The following ADAM18 variants were observed in gnomAD, a reference collection of about 807,000 sequenced individuals.
ADAM18 encodes disintegrin and metalloproteinase domain-containing protein 18.
A neutral mutation model predicts 94.4 loss-of-function variants in ADAM18; 117 were observed. That is an observed-to-expected ratio of 1.24 (90% CI 1.07 to 1.45). ADAM18 has a LOEUF of 1.45. Ranked by LOEUF, ADAM18 falls within the 40% of genes most tolerant of loss-of-function variation. The pLI is 0.00. For synonymous variants in ADAM18, 327 were observed against 291.6 expected, an observed-to-expected ratio of 1.12 and a Z score of -1.24; for missense variants, 936 against 880.0, an observed-to-expected ratio of 1.06 and a Z score of -0.81.
At chr8:39,680,835 C>A (rs1304830370) in intron 16 of ADAM18, among the ~76,000 whole-genome samples, 2 of 151,792 alleles carry the variant, frequency 1.3e-5, no homozygotes, top group Admixed American at 6.6e-5. Flanking sequence ...TTTCACATAG[C>A]AATTATAGAG....
chr8:39,644,270 C>A (rs1820316932), intron 10 of ADAM18, among the ~76,000 whole-genome samples: 2 of 151,686 alleles, frequency 1.3e-5, no homozygotes, highest in Non-Finnish European at 2.9e-5. Context: ...TTTTTAATAT[C>A]TTCTCACTTC....
chr8:39,646,600 C>T (rs1585934449), intron 11 of ADAM18, among the ~76,000 whole-genome samples: 1 of 152,034 alleles, frequency 6.6e-6, no homozygotes, highest in Non-Finnish European at 1.5e-5. Context: ...ATGCTATCAG[C>T]CTTTAGCAAC....
rs112841302 is a variant in ADAM18 at position 39,638,960 on chromosome 8, A to G, written c.909+414A>G. On this transcript the variant is annotated intron_variant, in intron 10 of 19. Coordinates refer to ENST00000265707, the MANE Select transcript of ADAM18 (RefSeq NM_014237.3). Reference sequence around the variant, plus strand: ...ATAAATATATGAATGCATAAATAATATATATTGTTTTTAGATATTGAAAAT... The same window carrying G: ...ATAAATATATGAATGCATAAATAATGTATATTGTTTTTAGATATTGAAAAT... Among the ~76,000 whole-genome samples, 8 of 152,054 alleles carry G rather than the reference A, an allele frequency of 5.3e-5. 1 individual carries two copies. The highest frequency in any genetic ancestry group is 1.9e-4 in the African/African-American group (8 of 41,562).
intron 6 of ADAM18, chr8:39,611,347 C>A: frequency 1.4e-6 from 1 of 739,814 alleles, no homozygotes; most frequent in Non-Finnish European, 1.6e-6. Context: ...TTGTGTTTAC[C>A]ATACTTGGAG....
At chr8:39,584,936 A>G (rs1488810456) in intron 1 of ADAM18, among the ~76,000 whole-genome samples, 1 of 150,804 alleles carries the variant, frequency 6.6e-6, no homozygotes, top group African/African-American at 2.4e-5. Flanking sequence ...GCATCTTCCC[A>G]CTCTGTGAAG....
At chr8:39,595,332 G>A (rs1413840884) in intron 2 of ADAM18, among the ~76,000 whole-genome samples, 1 of 151,870 alleles carries the variant, frequency 6.6e-6, no homozygotes, top group Admixed American at 6.6e-5. Context: ...TACAAGGAGG[G>A]ACTGCAATCT....
intron 2 of ADAM18, among the ~76,000 whole-genome samples, chr8:39,593,464 G>A (rs771172799): frequency 1.3e-5 from 2 of 151,874 alleles, no homozygotes; most frequent in Non-Finnish European, 2.9e-5. Context: ...AAAGTTAGAG[G>A]CATCATACTT....
Position 39,723,835 on chromosome 8 carries a change from T to G in ADAM18, c.2105T>G (p.Val702Gly). The G allele has an allele frequency of 6.3e-7, 1 of 1,585,554 alleles. No individual in the cohort carries two copies. Among genetic ancestry groups the G allele is most frequent in the Admixed American group, 1.8e-5 (1 of 56,556 alleles). ...TGCATTTTTCTGCCGTTTTTCATAG[T>G]TTTCACCACTGTGATCTTTAAAAGA... ...SFCIFLPFFI[V>G]FTTVIFKRNE... The change falls in exon 19 of 20, where the codon GTT (valine) becomes GGT (glycine). Residue 702 changes from valine (V) to glycine (G), a missense_variant. Transcript: ENST00000265707.
Position 39,680,243 on chromosome 8 carries a change from A to G in ADAM18, c.1821+17A>G, listed in dbSNP as rs1243942545. 1.2e-6 allele frequency: 2 copies of G among 1,601,850 alleles called. No individual in the cohort carries two copies. The highest frequency in any genetic ancestry group is 2.7e-5 in the African/African-American group (2 of 74,440). On this transcript the variant is annotated intron_variant, in intron 16 of 19. Transcript: ENST00000265707. ...CCAGAAATGGTAACAAAATGTGATAATTTATATTCAGCTGTGTTAAATTAT... is the reference window on the plus strand; with the variant it reads ...CCAGAAATGGTAACAAAATGTGATAGTTTATATTCAGCTGTGTTAAATTAT...
In ADAM18 at chr8:39,637,586, G is replaced by A. The variant is rs1206233072; in HGVS notation, c.710G>A (p.Trp237Ter). 8 of 1,612,354 alleles carry A rather than the reference G, an allele frequency of 5.0e-6. No homozygotes were observed. Among genetic ancestry groups the A allele is most frequent in the Non-Finnish European group, 6.8e-6 (8 of 1,179,032 alleles). Residue 237 changes from tryptophan to a stop codon, truncating the protein, a stop_gained, in exon 9 of 20, where the codon TGG (tryptophan) becomes TAG (stop). Coordinates refer to ENST00000265707, the MANE Select transcript of ADAM18 (RefSeq NM_014237.3). LOFTEE classifies it high-confidence loss of function. ...GTTATACTGTCTTCCTTGGAATTGT[G>A]GTCAAATGAAAACCAGATTTCCACC... ...LTVILSSLEL[W>*]SNENQISTSG...
At chr8:39,619,238 C>T (rs1041436749) in intron 6 of ADAM18, among the ~76,000 whole-genome samples, 2 of 152,150 alleles carry the variant, frequency 1.3e-5, no homozygotes, top group Admixed American at 6.5e-5. Flanking sequence ...CAACACCTCA[C>T]TTTCAGTATA....
intron 2 of ADAM18, among the ~76,000 whole-genome samples, chr8:39,585,740 A>G (rs1031321179): frequency 6.6e-6 from 1 of 152,352 alleles, no homozygotes; most frequent in East Asian, 1.9e-4. Flanking sequence ...TTGACCCACA[A>G]GCATCAGTCT....
chr8:39,655,712 A>G (rs1454956532), intron 12 of ADAM18, among the ~76,000 whole-genome samples: 1 of 152,122 alleles, frequency 6.6e-6, no homozygotes, highest in Non-Finnish European at 1.5e-5. Flanking sequence ...ATTATTTATA[A>G]TCATATCATT....
Position 39,610,626 on chromosome 8 carries a change from C to T in ADAM18, c.442C>T (p.Pro148Ser). The T allele has an allele frequency of 1.2e-6, 2 of 1,612,786 alleles. No individual in the cohort carries two copies. The highest frequency in any genetic ancestry group is 8.5e-7 in the Non-Finnish European group (1 of 1,179,218). Residue 148 changes from proline (P) to serine (S), a missense_variant, in exon 6 of 20, where the codon CCA (proline) becomes TCA (serine). Physicochemically the swap from Pro to Ser is moderately conservative, Grantham distance 74. Coordinates refer to ENST00000265707, the MANE Select transcript of ADAM18 (RefSeq NM_014237.3). Reference sequence around the variant, plus strand: ...AATTTATCAAATGAAAAATAATGATCCAAATGTATCCATTTTAGCAGTAAA... The same window carrying T: ...AATTTATCAAATGAAAAATAATGATTCAAATGTATCCATTTTAGCAGTAAA... The part of the protein sequence containing the change: ...HIIYQMKNND[P>S]NVSILAVNYS...
At chr8:39,619,452 G>A (rs1819542456) in intron 6 of ADAM18, among the ~76,000 whole-genome samples, 1 of 152,108 alleles carries the variant, frequency 6.6e-6, no homozygotes, top group South Asian at 2.1e-4. Context: ...TTTAAAAATT[G>A]AAATTGTATT....
At chr8:39,620,636 ATATT>A (rs1819589459) in intron 6 of ADAM18, among the ~76,000 whole-genome samples, 2 of 145,510 alleles carry the variant, frequency 1.4e-5, no homozygotes, top group Non-Finnish European at 3.0e-5. Flanking sequence ...TATATAACAT[ATATT>A]TATATATTGT....
chr8:39,710,024 G>T (rs1188788491), intron 18 of ADAM18, among the ~76,000 whole-genome samples: 1 of 152,108 alleles, frequency 6.6e-6, no homozygotes, highest in African/African-American at 2.4e-5. Context: ...TGTCGTTAAG[G>T]GTATCAGGGA....
chr8:39,720,848 G>A (rs773216578), intron 18 of ADAM18, among the ~76,000 whole-genome samples: 2 of 151,362 alleles, frequency 1.3e-5, no homozygotes, highest in African/African-American at 2.4e-5. Context: ...GTGGGAATAT[G>A]CAAGCATTGA....
chr8:39,676,634 G>A (rs544926893), intron 14 of ADAM18, among the ~76,000 whole-genome samples: 28 of 152,176 alleles, frequency 1.8e-4, no homozygotes, highest in Non-Finnish European at 3.1e-4. Flanking sequence ...GCTTCAGCTC[G>A]CCTTCCATGG....
Sources: allele counts gnomAD v4.1 joint callset (sites outside exome capture counted in the v4.1 genomes callset), GRCh38; gene constraint gnomAD v4.1.1; transcripts MANE v1.5; gene names NCBI Gene and HGNC (gene_info 2026-07-23, HGNC 2026-07-21).